KIF1C: variants seen among roughly 807,000 people sequenced by gnomAD.
KIF1C encodes the protein kinesin family member 1C.
In KIF1C, 61 loss-of-function variants were observed where a neutral mutation model predicts 126.5. The observed-to-expected ratio is 0.48, with a 90% CI of 0.39 to 0.60. KIF1C has a LOEUF of 0.60. Ranked by LOEUF, KIF1C falls within the 20% of genes least tolerant of loss-of-function variation. KIF1C has a pLI of 0.00. For missense variants in KIF1C, 1,315 were observed against 1,489.2 expected (o/e 0.88, Z 1.93); for synonymous variants, 640 against 580.6 (o/e 1.10, Z -1.47).
chr17:5,011,507 T>C lies in KIF1C; in HGVS notation c.1492-2146T>C, dbSNP rs574906263. Reference sequence around the variant, plus strand: ...AGGTTTCATTTTGAACAAAGAGTTATAGGGCTGAAGAAAAAGTTGAAAAGC... The same window carrying C: ...AGGTTTCATTTTGAACAAAGAGTTACAGGGCTGAAGAAAAAGTTGAAAAGC... On this transcript the variant is annotated intron_variant, in intron 16 of 22. Coordinates refer to ENST00000320785, the MANE Select transcript of KIF1C (RefSeq NM_006612.6). 3.9e-5 allele frequency: 6 copies of C among 152,374 alleles called. No homozygotes were observed. The South Asian group carries it at 8.3e-4, about 21-fold the overall frequency. 9.4% of individuals were successfully genotyped at this position (152,374 alleles called of 1,614,324 possible). A position where few individuals can be genotyped will look rare whatever the true frequency, so the allele number is the denominator to read the frequency against.
chr17:5,017,293 C>CTTT lies in KIF1C; in HGVS notation c.1666+2478_1666+2480dup, dbSNP rs34140025. Among the ~76,000 whole-genome samples the CTTT allele has an allele frequency of 5.9e-3, 503 of 85,218 alleles. 2 individuals carry two copies. The highest frequency in any genetic ancestry group is 8.8e-3 in the Middle Eastern group (1 of 114). The allele number at this position is 85,218 out of a possible 152,430, so 55.9% of individuals were successfully genotyped here. A position where few individuals can be genotyped will look rare whatever the true frequency, so the allele number is the denominator to read the frequency against. ...GGTTTAGTCCCTGTGGGCCTTGGTT[C>CTTT]TTTTTTTTTTTTTTTTTTTTTTTTG... On this transcript the variant is annotated intron_variant, in intron 18 of 22. Transcript: ENST00000320785.
rs1464840891 is a variant in KIF1C at position 5,020,704 on chromosome 17, C to T, written c.1937+26C>T. On this transcript the variant is annotated intron_variant, in intron 20 of 22. Transcript: ENST00000320785. The surrounding 1 kb of genome is among the most constrained non-coding windows in gnomAD (Gnocchi z 5.8). ...GTGCGAGGGGGTTACCCACGTGCCC[C>T]ATGGCCGTCTAGGCCGTCCCTCCCG... 6.2e-7 allele frequency: 1 copy of T among 1,611,704 alleles called. No homozygotes were observed. The highest frequency in any genetic ancestry group is 2.2e-5 in the East Asian group (1 of 44,830).
At position 5,024,341 on chromosome 17, in the gene KIF1C, C is replaced by G. The variant is rs1597866732; in HGVS notation, c.*190C>G. The G allele has an allele frequency of 4.1e-6, 2 of 492,914 alleles. No homozygotes were observed. The highest frequency in any genetic ancestry group is 7.1e-6 in the Non-Finnish European group (2 of 280,856). The allele number at this position is 492,914 out of a possible 1,614,324, so 30.5% of individuals were successfully genotyped here. On this transcript the variant is annotated 3_prime_UTR_variant, in exon 23 of 23. Coordinates refer to ENST00000320785, the MANE Select transcript of KIF1C (RefSeq NM_006612.6). ...AGGAAAGGAAGAGGGCACGGAGTTG[C>G]CAGGAGCAAACCAAAGTGAAGAGAG...
At position 5,020,218 on chromosome 17, in the gene KIF1C, G is replaced by A. The variant is rs542660296; in HGVS notation, c.1750+139G>A. 2.2e-5 allele frequency: 16 copies of A among 744,064 alleles called. No homozygotes were observed. Among genetic ancestry groups the A allele is most frequent in the Admixed American group, 1.7e-4 (8 of 45,982 alleles). 46.1% of individuals were successfully genotyped at this position (744,064 alleles called of 1,614,324 possible). A position where few individuals can be genotyped will look rare whatever the true frequency, so the allele number is the denominator to read the frequency against. On this transcript the variant is annotated intron_variant, in intron 19 of 22. Transcript: ENST00000320785. This position sits in a 1 kb window ranked among gnomAD's most constrained non-coding sequence, Gnocchi z 5.8. The stretch of plus-strand genomic sequence containing the variant: ...GCACGGGGATATAAAGAAGGAACTG[G>A]GAAGTGAAGGTCAAGGAGTCAGGTC...
chr17:5,006,797 C>A, intron 13 of KIF1C, 118 bp from the exon 14 acceptor site: 1 of 1,038,532 alleles, frequency 9.6e-7, no homozygotes, highest in Non-Finnish European at 1.4e-6. Context: ...GGAGGCTGAC[C>A]AGCAGTCTTC....
At position 5,026,161 on chromosome 17, in the gene KIF1C, A is replaced by C. The variant is rs1339246392; in HGVS notation, c.*2010A>C. ...CTGATGCTCCTGCCTTTACTTTGAC[A>C]CCTCTGACTGCCAGGTTTTCACAGA... On this transcript the variant is annotated 3_prime_UTR_variant, in exon 23 of 23. Coordinates refer to ENST00000320785, the MANE Select transcript of KIF1C (RefSeq NM_006612.6). The C allele has an allele frequency of 6.6e-6, 1 of 152,040 alleles. No homozygotes were observed. Among genetic ancestry groups the C allele is most frequent in the Non-Finnish European group, 1.5e-5 (1 of 68,030 alleles). 9.4% of individuals were successfully genotyped at this position (152,040 alleles called of 1,614,324 possible).
intron 16 of KIF1C, among the ~76,000 whole-genome samples, chr17:5,008,278 G>T (rs1974779889): frequency 6.6e-6 from 1 of 152,222 alleles, no homozygotes; most frequent in African/African-American, 2.4e-5. Context: ...TCCGGCATAG[G>T]GACTGACCAG....
At chr17:5,013,015 C>T (rs572261802) in intron 16 of KIF1C, among the ~76,000 whole-genome samples, 21 of 152,252 alleles carry the variant, frequency 1.4e-4, no homozygotes, top group African/African-American at 5.1e-4. Context: ...TGAGGTGAAG[C>T]AGCCCAGGGA....
At position 5,021,855 on chromosome 17, in the gene KIF1C, C is replaced by T. The variant is rs1334518256; in HGVS notation, c.2011-237C>T. Among the ~76,000 whole-genome samples, 5 of 152,036 alleles carry T rather than the reference C, an allele frequency of 3.3e-5. 1 individual carries two copies. The highest frequency in any genetic ancestry group is 4.2e-4 in the South Asian group (2 of 4,806). On this transcript the variant is annotated intron_variant, in intron 21 of 22. Coordinates refer to ENST00000320785, the MANE Select transcript of KIF1C (RefSeq NM_006612.6). ...ATACTTATGGTAACTTTCTCGGTGC[C>T]GGCCATGGTTCTAAGTACTCCACGT...
intron 13 of KIF1C, among the ~76,000 whole-genome samples, 161 bp from the exon 14 acceptor site, chr17:5,006,754 C>A (rs564404724): frequency 6.6e-6 from 1 of 152,310 alleles, no homozygotes; most frequent in Admixed American, 6.5e-5. Flanking sequence ...GCCCATTTAC[C>A]ATGGCTGCAG....
intron 18 of KIF1C, among the ~76,000 whole-genome samples, chr17:5,015,946 A>G (rs1974962536): frequency 6.6e-6 from 1 of 151,958 alleles, no homozygotes; most frequent in South Asian, 2.1e-4. Flanking sequence ...ACTTAAAAAA[A>G]AATAGAATGA....
chr17:5,000,923 A>G, intron 4 of KIF1C, 75 bp downstream of exon 4: 1 of 1,404,848 alleles, frequency 7.1e-7, no homozygotes, highest in Non-Finnish European at 1.0e-6. Flanking sequence ...GGACATGTTA[A>G]GAAATAGGAC....
intron 16 of KIF1C, among the ~76,000 whole-genome samples, chr17:5,010,440 A>G (rs1220556600): frequency 6.6e-6 from 1 of 152,064 alleles, no homozygotes; most frequent in East Asian, 1.9e-4. Flanking sequence ...TTTGGGTCAA[A>G]TGGTAGCCAT....
At position 5,022,085 on chromosome 17, in the gene KIF1C, G is replaced by A. The variant is rs764606462; in HGVS notation, c.2011-7G>A. 7.5e-6 allele frequency: 12 copies of A among 1,589,736 alleles called. No homozygotes were observed. The highest frequency in any genetic ancestry group is 1.0e-5 in the Non-Finnish European group (12 of 1,164,600). On this transcript the variant is annotated splice_polypyrimidine_tract_variant and splice_region_variant and intron_variant, in intron 21 of 22. Coordinates refer to ENST00000320785, the MANE Select transcript of KIF1C (RefSeq NM_006612.6). This position sits in a 1 kb window ranked among gnomAD's most constrained non-coding sequence, Gnocchi z 4.9. ...CCCTCTCTTCCTCTTTCTTTCTCTG[G>A]CCCCAGTATGCAGACTCGGACAGCG...
intron 6 of KIF1C, 108 bp from the exon 7 acceptor site, chr17:5,002,356 C>G (rs1290025832): frequency 3.8e-5 from 43 of 1,136,022 alleles, no homozygotes; most frequent in Non-Finnish European, 5.0e-5. Flanking sequence ...ATGCTTCGCA[C>G]TGTGTATTAG....
In KIF1C at chr17:4,998,067, C is replaced by T. The variant is rs1040066159; in HGVS notation, c.-238C>T. ...GCGAGGGGCGGGGGCAGCTCCGAAC[C>T]GGCCCCAGATCCTTCCCGCTTCCGC... is the stretch of plus-strand genomic sequence containing the variant. On this transcript the variant is annotated 5_prime_UTR_variant, in exon 1 of 23. Coordinates refer to ENST00000320785, the MANE Select transcript of KIF1C (RefSeq NM_006612.6). The T allele has an allele frequency of 6.6e-6, 1 of 151,196 alleles. No homozygotes were observed. Among genetic ancestry groups the T allele is most frequent in the Non-Finnish European group, 1.5e-5 (1 of 67,670 alleles). The allele number at this position is 151,196 out of a possible 1,614,324, so 9.4% of individuals were successfully genotyped here.
At chr17:5,001,014 C>G (rs557714540) in intron 4 of KIF1C, among the ~76,000 whole-genome samples, 166 bp downstream of exon 4, 1 of 151,914 alleles carries the variant, frequency 6.6e-6, no homozygotes, top group South Asian at 2.1e-4. Flanking sequence ...ATTGAGGCCT[C>G]GACAGGAAGG....
In KIF1C at chr17:5,020,390, AG is replaced by A; in HGVS notation, c.1751-99del. On this transcript the variant is annotated intron_variant, in intron 19 of 22. Transcript: ENST00000320785. This position sits in a 1 kb window ranked among gnomAD's most constrained non-coding sequence, Gnocchi z 5.8. Reference sequence around the variant, plus strand: ...CTTCAGACTTGGGGTGATGAAGGGGAGGGTGTCACAGCCCCTGTGCCAGATT... The same window carrying A: ...CTTCAGACTTGGGGTGATGAAGGGGAGGTGTCACAGCCCCTGTGCCAGATT... The A allele has an allele frequency of 8.5e-7, 1 of 1,181,776 alleles. No individual in the cohort carries two copies. The highest frequency in any genetic ancestry group is 1.2e-6 in the Non-Finnish European group (1 of 843,336). The allele number at this position is 1,181,776 out of a possible 1,614,324, so 73.2% of individuals were successfully genotyped here.
intron 17 of KIF1C, among the ~76,000 whole-genome samples, 167 bp from the exon 18 acceptor site, chr17:5,014,576 C>G (rs1974932502): frequency 2.0e-5 from 3 of 152,184 alleles, no homozygotes; most frequent in Non-Finnish European, 4.4e-5. Flanking sequence ...ACTTCACTGC[C>G]CACTGAATGA....
Sources: gnomAD v4.1 joint callset for allele counts (sites outside exome capture counted in the v4.1 genomes callset) on GRCh38, gnomAD v4.1.1 for gene constraint, Gnocchi (gnomAD v3.1) non-coding constraint, MANE v1.5 for transcripts, NCBI Gene and HGNC (gene_info 2026-07-23, HGNC 2026-07-21) for gene names.